The following CATSPERE variants were observed in gnomAD, a reference collection of about 807,000 sequenced individuals.
CATSPERE encodes the protein cation channel sperm-associated auxiliary subunit epsilon.
CATSPERE carries 93 observed loss-of-function variants against 114.1 expected under a neutral mutation model. That is an observed-to-expected ratio of 0.81 (90% CI 0.69 to 0.97). The LOEUF is 0.97. Among genes scored for constraint, CATSPERE ranks in the 50% least tolerant of loss-of-function variants. The pLI, the probability that CATSPERE is intolerant of heterozygous loss-of-function variation, is 0.00. For missense variants in CATSPERE, 1,058 were observed against 1,131.6 expected, an observed-to-expected ratio of 0.93 and a Z score of 0.93; for synonymous variants, 341 against 384.1, an observed-to-expected ratio of 0.89 and a Z score of 1.31.
At chr1:244,462,588 T>A (rs1666986181) in intron 1 of CATSPERE, among the ~76,000 whole-genome samples, 1 of 152,192 alleles carries the variant, frequency 6.6e-6, no homozygotes, top group African/African-American at 2.4e-5. Context: ...TCTCTCTGTA[T>A]TGAAAGGGAT....
At chr1:244,597,068 T>C (rs1668535356) in intron 17 of CATSPERE, among the ~76,000 whole-genome samples, 2 of 152,188 alleles carry the variant, frequency 1.3e-5, no homozygotes, top group African/African-American at 4.8e-5. Flanking sequence ...AGAACATTGC[T>C]CCTGAAACTG....
At chr1:244,550,622 G>T (rs1660460686) in intron 8 of CATSPERE, among the ~76,000 whole-genome samples, 1 of 152,152 alleles carries the variant, frequency 6.6e-6, no homozygotes, top group African/African-American at 2.4e-5. Flanking sequence ...ATTGTAATTG[G>T]AACCAATGTT....
chr1:244,585,218 G>A (rs1370623985), intron 13 of CATSPERE, among the ~76,000 whole-genome samples: 1 of 152,188 alleles, frequency 6.6e-6, no homozygotes, highest in African/African-American at 2.4e-5. Flanking sequence ...ATTTGTAAAA[G>A]GGAAAATGTA....
At chr1:244,599,075 G>T (rs866637332) in intron 17 of CATSPERE, among the ~76,000 whole-genome samples, 4 of 152,100 alleles carry the variant, frequency 2.6e-5, no homozygotes, top group Non-Finnish European at 5.9e-5. Flanking sequence ...GAAAAAGACT[G>T]GAGGATTGTA....
intron 8 of CATSPERE, among the ~76,000 whole-genome samples, chr1:244,534,083 C>T (rs935525678): frequency 1.3e-5 from 2 of 152,056 alleles, no homozygotes; most frequent in African/African-American, 4.8e-5. Flanking sequence ...TATATCATGC[C>T]ACTCTCTCCT....
intron 5 of CATSPERE, among the ~76,000 whole-genome samples, chr1:244,490,032 G>A (rs1006155182): frequency 6.6e-6 from 1 of 152,174 alleles, no homozygotes; most frequent in Admixed American, 6.5e-5. Context: ...GGTTAGAAAT[G>A]TGTGAGGATG....
chr1:244,561,194 A>G, intron 10 of CATSPERE, 49 bp downstream of exon 10: 1 of 1,285,686 alleles, frequency 7.8e-7, no homozygotes, highest in East Asian at 2.3e-5. Context: ...CACTATAGAC[A>G]TCTTCCTTAT....
chr1:244,503,615 C>T (rs557028739), intron 7 of CATSPERE, among the ~76,000 whole-genome samples: 14 of 152,210 alleles, frequency 9.2e-5, no homozygotes, highest in East Asian at 3.9e-4. Flanking sequence ...TCTTTTGAGA[C>T]GAGGTCTCAC....
At chr1:244,481,957 C>T (rs1245488216) in intron 5 of CATSPERE, among the ~76,000 whole-genome samples, 1 of 152,172 alleles carries the variant, frequency 6.6e-6, no homozygotes. Flanking sequence ...ATTTCATTTA[C>T]ACACATTAAG....
intron 8 of CATSPERE, among the ~76,000 whole-genome samples, chr1:244,547,987 G>A (rs532419458): frequency 2.0e-5 from 3 of 152,310 alleles, no homozygotes; most frequent in South Asian, 2.1e-4. Flanking sequence ...ACCAATTCAT[G>A]GGCTGCAGCC....
rs1344765562 is a variant in CATSPERE, at chr1:244,573,557, C to T, written c.1950+785C>T. Among the ~76,000 whole-genome samples, 1 of 152,192 alleles carries T rather than the reference C, an allele frequency of 6.6e-6. No individual in the cohort carries two copies. Among genetic ancestry groups the T allele is most frequent in the East Asian group, 1.9e-4 (1 of 5,200 alleles). Reference sequence around the variant, plus strand: ...GCATCTGCTAATTCGTCTGCAACTACATGACCTAAGATGGCCTCATTAATC... The same window carrying T: ...GCATCTGCTAATTCGTCTGCAACTATATGACCTAAGATGGCCTCATTAATC... On this transcript the variant is annotated intron_variant, in intron 11 of 21. Coordinates refer to ENST00000366534, the MANE Select transcript of CATSPERE (RefSeq NM_001130957.2). This position sits in a 1 kb window ranked among gnomAD's most constrained non-coding sequence, Gnocchi z 4.0.
chr1:244,519,185 A>G (rs1372667760), intron 8 of CATSPERE, among the ~76,000 whole-genome samples: 1 of 152,214 alleles, frequency 6.6e-6, no homozygotes, highest in Non-Finnish European at 1.5e-5. Flanking sequence ...ACCTGCCTTC[A>G]ATAATCTTTC....
chr1:244,573,806 T>A lies in CATSPERE; in HGVS notation c.1950+1034T>A, dbSNP rs1321932028. Among the ~76,000 whole-genome samples, 1 of 152,196 alleles carries A rather than the reference T, an allele frequency of 6.6e-6. No homozygotes were observed. Among genetic ancestry groups the A allele is most frequent in the Non-Finnish European group, 1.5e-5 (1 of 68,034 alleles). On this transcript the variant is annotated intron_variant, in intron 11 of 21. Coordinates refer to ENST00000366534, the MANE Select transcript of CATSPERE (RefSeq NM_001130957.2). The surrounding 1 kb of genome is among the most constrained non-coding windows in gnomAD (Gnocchi z 4.0). ...TTACACTGCATACGGGACATGCATA[T>A]GGGAATGGGAAAAATTCTTGCAGCC...
chr1:244,543,777 G>T (rs1659275427), intron 8 of CATSPERE, among the ~76,000 whole-genome samples: 2 of 151,848 alleles, frequency 1.3e-5, no homozygotes, highest in Admixed American at 6.6e-5. Context: ...AGATAAGAGA[G>T]GATTCTTCTT....
chr1:244,559,334 G>A (rs1289974913), intron 9 of CATSPERE, among the ~76,000 whole-genome samples: 4 of 152,128 alleles, frequency 2.6e-5, no homozygotes, highest in Non-Finnish European at 4.4e-5. Context: ...CCCAAATTGT[G>A]TCTTTCTTTG....
At position 244,613,123 on chromosome 1, in the gene CATSPERE, A is replaced by G. The variant is rs140045016; in HGVS notation, c.2490+2797A>G. ...GTCTTTACTAGCAATGCTTTGTTGT[A>G]TGATATATGCACAGCTTCCAAACAT... is the stretch of plus-strand genomic sequence containing the variant. On this transcript the variant is annotated intron_variant, in intron 19 of 21. Transcript: ENST00000366534. Among the ~76,000 whole-genome samples, 262 of 152,336 alleles carry G rather than the reference A, an allele frequency of 1.7e-3. 1 individual carries two copies. The highest frequency in any genetic ancestry group is 6.0e-3 in the African/African-American group (251 of 41,580).
At chr1:244,635,691 A>AATT in intron 21 of CATSPERE, 149 bp downstream of exon 21, 1 of 604,748 alleles carries the variant, frequency 1.7e-6, no homozygotes, top group Non-Finnish European at 3.0e-6. Flanking sequence ...TTATTATGAA[A>AATT]ATTATTATTA....
intron 9 of CATSPERE, among the ~76,000 whole-genome samples, chr1:244,553,944 G>A (rs1442523224): frequency 6.6e-6 from 1 of 151,850 alleles, no homozygotes; most frequent in East Asian, 1.9e-4. Context: ...TCTGTGCCTG[G>A]CTTATTTCAC....
At chr1:244,579,360 T>C (rs546621946) in intron 11 of CATSPERE, among the ~76,000 whole-genome samples, 58 of 152,326 alleles carry the variant, frequency 3.8e-4, no homozygotes, top group Admixed American at 1.6e-3. Context: ...TTTTGATAAA[T>C]TTTAACTTTA....
Sources: gnomAD v4.1 joint callset for allele counts (sites outside exome capture counted in the v4.1 genomes callset) on GRCh38, gnomAD v4.1.1 for gene constraint, Gnocchi (gnomAD v3.1) non-coding constraint, MANE v1.5 for transcripts, NCBI Gene and HGNC (gene_info 2026-07-23, HGNC 2026-07-21) for gene names.